The following TP73 variants were observed in gnomAD, a reference collection of about 807,000 sequenced individuals.
The protein encoded by TP73 is tumor protein p73.
Under a neutral mutation model 62.5 loss-of-function variants are expected in TP73, and 25 were observed. That is an observed-to-expected ratio of 0.40 (90% CI 0.29 to 0.56). The LOEUF is 0.56. Among genes scored for constraint, TP73 ranks in the 20% least tolerant of loss-of-function variants. The pLI is 0.46. For synonymous variants in TP73, 423 were observed against 377.5 expected (o/e 1.12, Z -1.40); for missense variants, 754 against 913.3 (o/e 0.83, Z 2.25).
chr1:3,698,432 T>C (rs1638859456), intron 3 of TP73, among the ~76,000 whole-genome samples: 1 of 152,180 alleles, frequency 6.6e-6, no homozygotes, highest in African/African-American at 2.4e-5. Flanking sequence ...GGATACAGCC[T>C]GGATACCCCA....
chr1:3,730,006 C>T lies in TP73; in HGVS notation c.1203C>T (p.His401=), dbSNP rs199592270. 1 of 1,592,010 alleles carries T rather than the reference C, an allele frequency of 6.3e-7. No homozygotes were observed. The highest frequency in any genetic ancestry group is 2.3e-5 in the East Asian group (1 of 44,348). Residue 401 remains histidine, a synonymous_variant, in exon 11 of 14, where the codon CAC becomes CAT. Coordinates refer to ENST00000378295, the MANE Select transcript of TP73 (RefSeq NM_005427.4). ...AGCCGTTGCTTCTGAGCAGGAGTCA[C>T]CTACAGCCCCCGTCCTACGGGCCGG... The part of the protein sequence containing the change: ...QQQQLLQRPS[H]LQPPSYGPVL...
At chr1:3,705,178 G>A (rs1216100522) in intron 3 of TP73, among the ~76,000 whole-genome samples, 2 of 152,200 alleles carry the variant, frequency 1.3e-5, no homozygotes, top group Admixed American at 1.3e-4. Flanking sequence ...CTGGGATTAC[G>A]GGCGTCCCCC....
chr1:3,681,501 G>C (rs959157527), intron 1 of TP73, among the ~76,000 whole-genome samples: 2 of 152,136 alleles, frequency 1.3e-5, no homozygotes, highest in African/African-American at 2.4e-5. Flanking sequence ...GCGGACGGGC[G>C]CTGGGGTCAG....
In TP73 at chr1:3,665,506, T is replaced by C. The variant is rs182708018; in HGVS notation, c.-34+12865T>C. Among the ~76,000 whole-genome samples, 13 of 152,332 alleles carry C rather than the reference T, an allele frequency of 8.5e-5. No individual in the cohort carries two copies. In the East Asian group the frequency reaches 2.1e-3, roughly 25 times the overall value. On this transcript the variant is annotated intron_variant, in intron 1 of 13. Coordinates refer to ENST00000378295, the MANE Select transcript of TP73 (RefSeq NM_005427.4). ...AAGTATTAGAATAACAGAAAGAGTC[T>C]ACTCTTGACGATGAAGTATACGGTT...
Position 3,708,187 on chromosome 1 carries a change from G to A in TP73, c.429+396G>A, listed in dbSNP as rs1393383412. On this transcript the variant is annotated intron_variant, in intron 4 of 13. Coordinates refer to ENST00000378295, the MANE Select transcript of TP73 (RefSeq NM_005427.4). ...GTCCGAGACAGGCCCACAGCCCTAG[G>A]GTCTGCAGAACCTGCCTCCTCCAGG... is the stretch of plus-strand genomic sequence containing the variant. 3 of 238,260 alleles carry A rather than the reference G, an allele frequency of 1.3e-5. No individual in the cohort carries two copies. The East Asian group carries it at 2.9e-4, about 23-fold the overall frequency. 14.8% of individuals were successfully genotyped at this position (238,260 alleles called of 1,614,324 possible).
In TP73 at chr1:3,713,084, G is replaced by T. The variant is rs79101033; in HGVS notation, c.429+5293G>T. Among the ~76,000 whole-genome samples the T allele has an allele frequency of 6.8e-4, 103 of 152,318 alleles. 1 individual carries two copies. Among genetic ancestry groups the T allele is most frequent in the East Asian group, 3.5e-3 (18 of 5,192 alleles). Reference sequence around the variant, plus strand: ...GAAAGCCTTGGACCGAATGGGGTGTGGGGGGAGCCCAGGCTGTACCTTGGC... The same window carrying T: ...GAAAGCCTTGGACCGAATGGGGTGTTGGGGGAGCCCAGGCTGTACCTTGGC... On this transcript the variant is annotated intron_variant, in intron 4 of 13. Transcript: ENST00000378295.
rs1638626652 is a variant in TP73 at position 3,696,050 on chromosome 1, T to G, written c.187-11499T>G. Among the ~76,000 whole-genome samples, 1 of 152,084 alleles carries G rather than the reference T, an allele frequency of 6.6e-6. No homozygotes were observed. The highest frequency in any genetic ancestry group is 1.9e-4 in the East Asian group (1 of 5,188). ...AGATGCCCGGCAGCCATTGCATAGC[T>G]GAGAAGGAGCCGCATGCAGGGAGGA... On this transcript the variant is annotated intron_variant, in intron 3 of 13. Coordinates refer to ENST00000378295, the MANE Select transcript of TP73 (RefSeq NM_005427.4). The surrounding 1 kb of genome is among the most constrained non-coding windows in gnomAD (Gnocchi z 4.1).
At position 3,707,640 on chromosome 1, in the gene TP73, T is replaced by C; in HGVS notation, c.278T>C (p.Val93Ala). The C allele has an allele frequency of 6.2e-7, 1 of 1,612,916 alleles. No homozygotes were observed. The highest frequency in any genetic ancestry group is 8.5e-7 in the Non-Finnish European group (1 of 1,179,914). ...TACACCCCAGAGCACGCCGCCAGCG[T>C]GCCCACCCACTCGCCCTACGCACAA... ...SPYTPEHAAS[V>A]PTHSPYAQPS... The change falls in exon 4 of 14, where the codon GTG becomes GCG. Residue 93 changes from valine (V) to alanine (A), a missense_variant. Coordinates refer to ENST00000378295, the MANE Select transcript of TP73 (RefSeq NM_005427.4).
At chr1:3,657,064 T>C (rs1644880987) in intron 1 of TP73, among the ~76,000 whole-genome samples, 1 of 152,254 alleles carries the variant, frequency 6.6e-6, no homozygotes, top group South Asian at 2.1e-4. Flanking sequence ...AGCGCACATA[T>C]GATCACCTCC....
intron 1 of TP73, among the ~76,000 whole-genome samples, chr1:3,653,972 G>C (rs902354256): frequency 5.3e-5 from 8 of 152,162 alleles, no homozygotes; most frequent in African/African-American, 1.9e-4. Flanking sequence ...TCAGGAGTTC[G>C]AGACCAGCCT....
At chr1:3,671,350 G>A (rs1051009609) in intron 1 of TP73, among the ~76,000 whole-genome samples, 4 of 152,212 alleles carry the variant, frequency 2.6e-5, no homozygotes, top group Admixed American at 6.5e-5. Flanking sequence ...TGCTGTTCCT[G>A]CCTCTCCCTG....
rs111435235 is a variant in TP73, at chr1:3,666,790, C to T, written c.-34+14149C>T. ...CAGACGCGACTCAGTGCCATGCGGG[C>T]GTCTCTCCCAGGGCGGCTTTCAGAC... On this transcript the variant is annotated intron_variant, in intron 1 of 13. Coordinates refer to ENST00000378295, the MANE Select transcript of TP73 (RefSeq NM_005427.4). This position sits in a 1 kb window ranked among gnomAD's most constrained non-coding sequence, Gnocchi z 6.4. Among the ~76,000 whole-genome samples, 22 of 152,226 alleles carry T rather than the reference C, an allele frequency of 1.4e-4. No homozygotes were observed. The highest frequency in any genetic ancestry group is 3.9e-4 in the African/African-American group (16 of 41,534).
chr1:3,664,063 C>G (rs2102021484), intron 1 of TP73, among the ~76,000 whole-genome samples: 1 of 152,342 alleles, frequency 6.6e-6, no homozygotes, highest in African/African-American at 2.4e-5. Context: ...CCTATGGGAC[C>G]ACACCTGAGA....
At chr1:3,687,802 G>A (rs1378279693) in intron 3 of TP73, among the ~76,000 whole-genome samples, 1 of 152,186 alleles carries the variant, frequency 6.6e-6, no homozygotes, top group Non-Finnish European at 1.5e-5. Flanking sequence ...CAGGTGTTGT[G>A]GGCAGGTGGG....
chr1:3,655,514 T>G (rs1467746881), intron 1 of TP73, among the ~76,000 whole-genome samples: 1 of 152,364 alleles, frequency 6.6e-6, no homozygotes, highest in East Asian at 1.9e-4. Context: ...TGTTATTTCC[T>G]CGTGATTTTG....
intron 3 of TP73, among the ~76,000 whole-genome samples, chr1:3,695,391 C>T (rs1007231363): frequency 2.2e-4 from 33 of 152,224 alleles, no homozygotes; most frequent in Admixed American, 1.7e-3. Flanking sequence ...CCCTAGCTCT[C>T]CTGCGCCCTC....
intron 2 of TP73, 68 bp downstream of exon 2, chr1:3,682,498 C>G: frequency 1.5e-6 from 2 of 1,354,746 alleles, no homozygotes; most frequent in Non-Finnish European, 1.9e-6. Context: ...CCTCAGCCAC[C>G]TTCGCTGGGC....
intron 1 of TP73, among the ~76,000 whole-genome samples, chr1:3,674,265 G>GCCTCC (rs1645310354): frequency 6.6e-6 from 1 of 152,194 alleles, no homozygotes; most frequent in South Asian, 2.1e-4. Flanking sequence ...CTGGGCATCT[G>GCCTCC]CCTCCCCTCC....
At chr1:3,719,136 G>A (rs980453575) in intron 4 of TP73, among the ~76,000 whole-genome samples, 1 of 147,530 alleles carries the variant, frequency 6.8e-6, no homozygotes, top group Non-Finnish European at 1.5e-5. Context: ...TCTGTTTCAA[G>A]GGGGGTCTGC....
Sources: gnomAD v4.1 joint callset for allele counts (sites outside exome capture counted in the v4.1 genomes callset) on GRCh38, gnomAD v4.1.1 for gene constraint, Gnocchi (gnomAD v3.1) non-coding constraint, MANE v1.5 for transcripts, NCBI Gene and HGNC (gene_info 2026-07-23, HGNC 2026-07-21) for gene names.